ITGA4: variants seen among roughly 807,000 people sequenced by gnomAD.
ITGA4 encodes the protein integrin subunit alpha 4, also known as integrin alpha-4.
In ITGA4, 63 loss-of-function variants were observed where a neutral mutation model predicts 133.6. The ratio of observed to expected loss-of-function variants is 0.47; its 90% CI spans 0.38 to 0.58. The LOEUF is 0.58. ITGA4 is among the 20% of genes least tolerant of loss of function. The pLI is 0.00. For missense variants in ITGA4, 1,076 were observed against 1,252.7 expected (o/e 0.86, Z 2.13); for synonymous variants, 483 against 438.0 (o/e 1.10, Z -1.28).
intron 22 of ITGA4, among the ~76,000 whole-genome samples, chr2:181,528,043 C>A (rs903242339): frequency 6.6e-5 from 10 of 152,048 alleles, no homozygotes; most frequent in Admixed American, 1.3e-4. Context: ...AAAAAAAATT[C>A]TTTGAACCAA....
At position 181,457,707 on chromosome 2, in the gene ITGA4, A is replaced by T; in HGVS notation, c.53A>T (p.Glu18Val). ...EPGPRRAAVRETVMLLLCLGV... is the reference protein window; with the variant it reads ...EPGPRRAAVRVTVMLLLCLGV... ...GGCCCCCGAAGGGCCGCCGTCCGGG[A>T]GACGGTGATGCTGTTGCTGTGCCTG... The change falls in exon 1 of 28, where the codon GAG becomes GTG. Residue 18 changes from glutamate to valine, a missense_variant. By Grantham distance (121) the Glu-to-Val change is moderately radical. Around this residue, in one of 4 missense-constraint regions of ITGA4, gnomAD observed 82 missense variants for 68.3 expected, o/e 1.20. Transcript: ENST00000397033. The T allele has an allele frequency of 6.2e-7, 1 of 1,611,168 alleles. No individual in the cohort carries two copies. Among genetic ancestry groups the T allele is most frequent in the Non-Finnish European group, 8.5e-7 (1 of 1,179,532 alleles).
At chr2:181,520,445 G>T (rs1443745862) in intron 17 of ITGA4, among the ~76,000 whole-genome samples, 1 of 151,954 alleles carries the variant, frequency 6.6e-6, no homozygotes, top group African/African-American at 2.4e-5. Context: ...TATCTTGAAG[G>T]CAATGTATGG....
intron 2 of ITGA4, among the ~76,000 whole-genome samples, chr2:181,463,802 A>AC (rs1359436219): frequency 6.6e-6 from 1 of 152,074 alleles, no homozygotes; most frequent in Non-Finnish European, 1.5e-5. Context: ...AATTGACGTA[A>AC]CCCCATTCAC....
At position 181,536,860 on chromosome 2, in the gene ITGA4, C is replaced by T. The variant is rs11553355; in HGVS notation, c.*1333C>T. ...TCTGCCTTCATAAGAGAGCTGTGGC[C>T]GAATTTTGAACATCTGTTATAGGGA... is the stretch of plus-strand genomic sequence containing the variant. On this transcript the variant is annotated 3_prime_UTR_variant, in exon 28 of 28. Transcript: ENST00000397033. The T allele has an allele frequency of 0.018, 7,589 of 427,446 alleles. 98 individuals are homozygous for T. Among genetic ancestry groups the T allele is most frequent in the Non-Finnish European group, 0.028 (5,889 of 214,084 alleles). The allele number at this position is 427,446 out of a possible 1,614,324, so 26.5% of individuals were successfully genotyped here.
At position 181,496,544 on chromosome 2, in the gene ITGA4, G is replaced by A. The variant is rs573849295; in HGVS notation, c.1540+607G>A. Among the ~76,000 whole-genome samples the A allele has an allele frequency of 1.4e-4, 22 of 152,214 alleles. No homozygotes were observed. The East Asian group carries it at 2.3e-3, about 16-fold the overall frequency. On this transcript the variant is annotated intron_variant, in intron 14 of 27. Transcript: ENST00000397033. Reference sequence around the variant, plus strand: ...CTGCGACTACAAGCTCCTAAGAACCGTCACCTATGTCCCTCTGTATAGGCA... The same window carrying A: ...CTGCGACTACAAGCTCCTAAGAACCATCACCTATGTCCCTCTGTATAGGCA...
At chr2:181,472,588 G>A (rs895380956) in intron 2 of ITGA4, among the ~76,000 whole-genome samples, 5 of 152,144 alleles carry the variant, frequency 3.3e-5, no homozygotes, top group African/African-American at 9.7e-5. Flanking sequence ...ACTTCATGTA[G>A]ACTGAATCTA....
intron 17 of ITGA4, among the ~76,000 whole-genome samples, chr2:181,519,445 T>C (rs986336330): frequency 2.0e-5 from 3 of 152,184 alleles, no homozygotes; most frequent in Admixed American, 1.3e-4. Flanking sequence ...GCATGTATTA[T>C]ACTCTGATAA....
intron 15 of ITGA4, among the ~76,000 whole-genome samples, chr2:181,499,550 T>C (rs1686225285): frequency 6.6e-6 from 1 of 152,136 alleles, no homozygotes; most frequent in African/African-American, 2.4e-5. Flanking sequence ...AGCTTCAGCT[T>C]AGGGCTTAAT....
intron 24 of ITGA4, among the ~76,000 whole-genome samples, chr2:181,531,119 AG>A (rs1686936415): frequency 1.4e-5 from 2 of 138,770 alleles, no homozygotes; most frequent in African/African-American, 5.0e-5. Context: ...CATCTCAAAA[AG>A]AAAAAAAAAA....
At chr2:181,504,641 C>A (rs142915372) in intron 15 of ITGA4, among the ~76,000 whole-genome samples, 1 of 151,962 alleles carries the variant, frequency 6.6e-6, no homozygotes, top group Non-Finnish European at 1.5e-5. Context: ...CATGTGAATT[C>A]TTCATTAGAT....
chr2:181,466,262 C>T, intron 2 of ITGA4, among the ~76,000 whole-genome samples: 1 of 151,892 alleles, frequency 6.6e-6, no homozygotes, highest in East Asian at 1.9e-4. Flanking sequence ...GGACATTTAC[C>T]TCTTGAACTC....
In ITGA4 at chr2:181,509,663, T is replaced by G. The variant is rs1686465616; in HGVS notation, c.1701T>G (p.Asp567Glu). The G allele has an allele frequency of 7.6e-6, 12 of 1,577,408 alleles. No individual in the cohort carries two copies. The highest frequency in any genetic ancestry group is 9.4e-6 in the Non-Finnish European group (11 of 1,167,086). The change falls in exon 16 of 28, where the codon GAT (aspartate) becomes GAG (glutamate). Residue 567 changes from aspartate to glutamate, a missense_variant. Asp to Glu is a conservative substitution (Grantham distance 45). Around this residue, in one of 4 missense-constraint regions of ITGA4, gnomAD observed 365 missense variants for 421.4 expected, o/e 0.87. Coordinates refer to ENST00000397033, the MANE Select transcript of ITGA4 (RefSeq NM_000885.6). ...CRTHQAFMRK[D>E]VRDILTPIQI... ...ATGGTGGTTATTTTCCTTAGAAAGA[T>G]GTGCGGGACATCCTCACCCCAATTC...
chr2:181,507,963 A>G (rs1686428389), intron 15 of ITGA4, among the ~76,000 whole-genome samples: 2 of 152,128 alleles, frequency 1.3e-5, no homozygotes, highest in South Asian at 4.1e-4. Flanking sequence ...ATGCTTTCAA[A>G]GATTTTTTTT....
chr2:181,522,208 C>G lies in ITGA4; in HGVS notation c.1940C>G (p.Thr647Arg), dbSNP rs1327395077. The part of the protein sequence containing the change: ...IGFLKPHENK[T>R]YLAVGSMKTL... ...ATTTTTAGGCCCCATGAAAATAAAACATATCTTGCTGTTGGGAGTATGAAG... is the reference window on the plus strand; with the variant it reads ...ATTTTTAGGCCCCATGAAAATAAAAGATATCTTGCTGTTGGGAGTATGAAG... Residue 647 changes from threonine (T) to arginine (R), a missense_variant, in exon 18 of 28, where the codon ACA becomes AGA. By Grantham distance (71) the Thr-to-Arg change is moderately conservative. Around this residue, in one of 4 missense-constraint regions of ITGA4, gnomAD observed 365 missense variants for 421.4 expected, o/e 0.87. Transcript: ENST00000397033. 6.5e-7 allele frequency: 1 copy of G among 1,545,246 alleles called. No homozygotes were observed. Among genetic ancestry groups the G allele is most frequent in the Non-Finnish European group, 8.8e-7 (1 of 1,139,326 alleles).
At chr2:181,508,861 G>A (rs1686445164) in intron 15 of ITGA4, among the ~76,000 whole-genome samples, 1 of 151,636 alleles carries the variant, frequency 6.6e-6, no homozygotes, top group Non-Finnish European at 1.5e-5. Context: ...GAAAGAAAAG[G>A]GCTGGGTATG....
At chr2:181,501,686 C>G (rs1432784495) in intron 15 of ITGA4, among the ~76,000 whole-genome samples, 1 of 152,140 alleles carries the variant, frequency 6.6e-6, no homozygotes, top group Non-Finnish European at 1.5e-5. Flanking sequence ...GAGAAAGAGG[C>G]TCTGTGATGA....
Position 181,511,736 on chromosome 2 carries a change from C to A in ITGA4, c.1883C>A (p.Ser628Tyr). The A allele has an allele frequency of 1.9e-6, 3 of 1,599,618 alleles. No homozygotes were observed. Among genetic ancestry groups the A allele is most frequent in the African/African-American group, 1.3e-5 (1 of 74,582 alleles). ...FARFCAHENC[S>Y]ADLQVSAKIG... ...AGGTTTTGTGCCCATGAAAATTGTT[C>A]TGCTGATTTACAGGTTTCTGCAAAG... Residue 628 changes from serine (S) to tyrosine (Y), a missense_variant, in exon 17 of 28, where the codon TCT (serine) becomes TAT (tyrosine). Physicochemically the swap from Ser to Tyr is moderately radical, Grantham distance 144. Coordinates refer to ENST00000397033, the MANE Select transcript of ITGA4 (RefSeq NM_000885.6).
At position 181,509,653 on chromosome 2, in the gene ITGA4, C is replaced by T. The variant is rs1686465238; in HGVS notation, c.1696-5C>T. The T allele has an allele frequency of 3.2e-6, 5 of 1,559,892 alleles. No homozygotes were observed. Among genetic ancestry groups the T allele is most frequent in the African/African-American group, 1.4e-5 (1 of 71,660 alleles). On this transcript the variant is annotated splice_region_variant and splice_polypyrimidine_tract_variant and intron_variant, in intron 15 of 27. Transcript: ENST00000397033. ...GTTAATTCATATGGTGGTTATTTTC[C>T]TTAGAAAGATGTGCGGGACATCCTC...
At chr2:181,497,321 T>C (rs964384224) in intron 14 of ITGA4, among the ~76,000 whole-genome samples, 1 of 152,206 alleles carries the variant, frequency 6.6e-6, no homozygotes. Flanking sequence ...GCATACCTTA[T>C]AATTATCATA....
Sources: gnomAD v4.1 joint callset for allele counts (sites outside exome capture counted in the v4.1 genomes callset) on GRCh38, gnomAD v4.1.1 for gene constraint, gnomAD v4.1.1 regional missense constraint, MANE v1.5 for transcripts, NCBI Gene and HGNC (gene_info 2026-07-23, HGNC 2026-07-21) for gene names.